The following MAP3K7CL variants were observed in gnomAD, a reference collection of about 807,000 sequenced individuals.
MAP3K7CL encodes MAP3K7 C-terminal like.
MAP3K7CL carries 16 observed loss-of-function variants against 18.6 expected under a neutral mutation model. The observed-to-expected ratio is 0.86, with a 90% CI of 0.58 to 1.31. MAP3K7CL has a LOEUF of 1.31. MAP3K7CL is among the 50% of genes most tolerant of loss of function. The probability of loss-of-function intolerance (pLI) is 0.00; values close to 1 mark genes in which losing one functional copy is unlikely to be tolerated. For missense variants in MAP3K7CL, 163 were observed against 174.4 expected (o/e 0.93, Z 0.37); for synonymous variants, 65 against 66.8 (o/e 0.97, Z 0.13).
intron 4 of MAP3K7CL, among the ~76,000 whole-genome samples, chr21:29,093,783 G>A (rs886591151): frequency 9.2e-5 from 14 of 151,996 alleles, no homozygotes; most frequent in East Asian, 3.9e-4. Flanking sequence ...GAGCCACCGC[G>A]CCCGGCCGAG....
At chr21:29,106,832 CT>C (rs1254841032) in intron 4 of MAP3K7CL, among the ~76,000 whole-genome samples, 3 of 152,188 alleles carry the variant, frequency 2.0e-5, no homozygotes, top group African/African-American at 7.2e-5. Context: ...CTCTCCGCCC[CT>C]AGCCCCATCC....
upstream of MAP3K7CL, chr21:29,085,213 A>C (rs1013913924): frequency 2.6e-5 from 4 of 152,372 alleles, no homozygotes; most frequent in African/African-American, 9.6e-5. Context: ...AGCCAAGAGC[A>C]GTCAAACCTG....
intron 4 of MAP3K7CL, chr21:29,109,015 A>G: frequency 2.0e-6 from 3 of 1,505,364 alleles, no homozygotes; most frequent in Non-Finnish European, 2.7e-6. Context: ...ATTTTCTAGA[A>G]TCAGAAAATT....
chr21:29,116,050 G>T (rs77368132), intron 4 of MAP3K7CL, among the ~76,000 whole-genome samples: 3 of 152,148 alleles, frequency 2.0e-5, no homozygotes, highest in Non-Finnish European at 4.4e-5. Flanking sequence ...ATACTCTAGT[G>T]GTTTCTTCCG....
At chr21:29,109,136 T>C (rs1388755303) in intron 4 of MAP3K7CL, 2 of 1,535,298 alleles carry the variant, frequency 1.3e-6, no homozygotes, top group African/African-American at 2.7e-5. Flanking sequence ...CTGAAGATGC[T>C]TGTTTCTTCC....
chr21:29,154,588 C>T (rs1257313490), intron 3 of MAP3K7CL, among the ~76,000 whole-genome samples: 1 of 152,128 alleles, frequency 6.6e-6, no homozygotes, highest in Non-Finnish European at 1.5e-5. Context: ...ATCCTGTTAT[C>T]CAAGCAGCCT....
rs574930362 is a variant in MAP3K7CL, at chr21:29,109,192, A to G, written c.370+16611A>G. 4 of 1,535,380 alleles carry G rather than the reference A, an allele frequency of 2.6e-6. No homozygotes were observed. In the Admixed American group the frequency reaches 5.9e-5, roughly 23 times the overall value. Reference sequence around the variant, plus strand: ...ACCAGTGCGGACTGCAGGTATGGACATAGGGAAGGGTGGGTAAGTATTAAG... The same window carrying G: ...ACCAGTGCGGACTGCAGGTATGGACGTAGGGAAGGGTGGGTAAGTATTAAG... On this transcript the variant is annotated intron_variant, in intron 4 of 6. Transcript: ENST00000286791.
upstream of MAP3K7CL, among the ~76,000 whole-genome samples, chr21:29,083,338 T>A (rs2085868767): frequency 6.6e-6 from 1 of 152,212 alleles, no homozygotes; most frequent in South Asian, 2.1e-4. Context: ...TGCCCTCGGA[T>A]GAAGCCAGAC....
chr21:29,115,423 G>T (rs144356005), intron 4 of MAP3K7CL, among the ~76,000 whole-genome samples: 1 of 152,048 alleles, frequency 6.6e-6, no homozygotes, highest in African/African-American at 2.4e-5. Context: ...ATTCTTTTTA[G>T]TAGAGGGCCT....
intron 4 of MAP3K7CL, among the ~76,000 whole-genome samples, chr21:29,093,737 C>T (rs575119811): frequency 7.2e-5 from 11 of 152,194 alleles, no homozygotes; most frequent in African/African-American, 2.6e-4. Flanking sequence ...GCGATCCACC[C>T]GCCTCGGCCT....
chr21:29,159,680 A>T (rs1450764548), intron 3 of MAP3K7CL, among the ~76,000 whole-genome samples: 3 of 152,200 alleles, frequency 2.0e-5, no homozygotes, highest in African/African-American at 7.2e-5. Flanking sequence ...CATGTAATGG[A>T]TTTCAGGGCT....
intron 1 of MAP3K7CL, among the ~76,000 whole-genome samples, chr21:29,079,276 G>A (rs1478415408): frequency 6.6e-6 from 1 of 152,202 alleles, no homozygotes; most frequent in African/African-American, 2.4e-5. Flanking sequence ...AAGGCATTTG[G>A]CCAAGACTCA....
chr21:29,109,790 T>A, intron 4 of MAP3K7CL: 1 of 985,498 alleles, frequency 1.0e-6, no homozygotes, highest in South Asian at 4.7e-5. Context: ...CTTTTACTTA[T>A]ATCTTACGTT....
In MAP3K7CL at chr21:29,086,709, A is replaced by G. The variant is rs534914460; in HGVS notation, c.57+792A>G. Among the ~76,000 whole-genome samples the G allele has an allele frequency of 3.9e-4, 59 of 152,352 alleles. 1 individual carries two copies. Among genetic ancestry groups the G allele is most frequent in the African/African-American group, 1.3e-3 (54 of 41,576 alleles). On this transcript the variant is annotated intron_variant, in intron 1 of 6. Coordinates refer to the MAP3K7CL transcript ENST00000286791. ...GAATCTGGCCAGGTGGTGATTGGCA[A>G]TAGACTCCTATCCTCTGCTAAGGCC...
chr21:29,108,272 CA>C (rs2086359104), intron 4 of MAP3K7CL, among the ~76,000 whole-genome samples: 1 of 151,996 alleles, frequency 6.6e-6, no homozygotes, highest in Non-Finnish European at 1.5e-5. Context: ...CATGCGCACA[CA>C]AAAAAGAGGT....
At chr21:29,157,090 A>G (rs2087424544) in intron 3 of MAP3K7CL, among the ~76,000 whole-genome samples, 1 of 152,198 alleles carries the variant, frequency 6.6e-6, no homozygotes, top group Non-Finnish European at 1.5e-5. Flanking sequence ...GGTTTAATGA[A>G]ATAATTTTTT....
At chr21:29,107,301 C>T (rs892722508) in intron 4 of MAP3K7CL, among the ~76,000 whole-genome samples, 2 of 151,732 alleles carry the variant, frequency 1.3e-5, no homozygotes, top group Non-Finnish European at 2.9e-5. Context: ...GGCAACAGAG[C>T]GAGACTCCAT....
intron 4 of MAP3K7CL, chr21:29,109,218 T>A: frequency 1.3e-6 from 2 of 1,535,326 alleles, no homozygotes; most frequent in South Asian, 2.4e-5. Flanking sequence ...AAGTATTAAG[T>A]GCTATGAGCT....
intron 3 of MAP3K7CL, among the ~76,000 whole-genome samples, chr21:29,159,261 A>G (rs1352143220): frequency 6.6e-6 from 1 of 152,158 alleles, no homozygotes; most frequent in Non-Finnish European, 1.5e-5. Flanking sequence ...TAATTCCTAG[A>G]AGTAGGGTTT....
Sources: allele counts gnomAD v4.1 joint callset (sites outside exome capture counted in the v4.1 genomes callset), GRCh38; gene constraint gnomAD v4.1.1; transcripts MANE v1.5; gene names NCBI Gene and HGNC (gene_info 2026-07-23, HGNC 2026-07-21).